Variants in NOS1 observed in about 807,000 individuals in gnomAD.
NOS1 encodes NOS type I.
In NOS1, 51 loss-of-function variants were observed where a neutral mutation model predicts 164.5. That is an observed-to-expected ratio of 0.31 (90% CI 0.25 to 0.39). The LOEUF (loss-of-function observed/expected upper bound fraction) is 0.39. NOS1 is among the 10% of genes least tolerant of loss of function. NOS1 has a pLI of 1.00. For synonymous variants in NOS1, 719 were observed against 745.8 expected (o/e 0.96, Z 0.59); for missense variants, 1,362 against 1,885.6 (o/e 0.72, Z 5.14).
chr12:117,341,722 G>C (rs1008713899), intron 1 of NOS1, among the ~76,000 whole-genome samples: 2 of 152,122 alleles, frequency 1.3e-5, no homozygotes, highest in Non-Finnish European at 2.9e-5. Flanking sequence ...GCATGAATTT[G>C]GAGCTAGAAA....
At chr12:117,236,058 A>C (rs543544259) in intron 20 of NOS1, among the ~76,000 whole-genome samples, 2 of 152,156 alleles carry the variant, frequency 1.3e-5, no homozygotes, top group Non-Finnish European at 2.9e-5. Context: ...CCCAACCCAA[A>C]AAACAAACAA....
chr12:117,240,449 T>C (rs1870073430), intron 20 of NOS1, among the ~76,000 whole-genome samples: 1 of 152,172 alleles, frequency 6.6e-6, no homozygotes, highest in African/African-American at 2.4e-5. Context: ...TATGATATGC[T>C]AGTTGTTTTA....
At position 117,243,479 on chromosome 12, in the gene NOS1, G is replaced by T; in HGVS notation, c.2824-44C>A. ...TTTCAGTGACCTCTTTCAGCCAAGC[G>T]GATCTCCTCTCCAACAGCTCCAAGT... On this transcript the variant is annotated intron_variant, in intron 18 of 28. Transcript: ENST00000317775. The surrounding 1 kb of genome is among the most constrained non-coding windows in gnomAD (Gnocchi z 4.3). 1.2e-6 allele frequency: 2 copies of T among 1,605,810 alleles called. No homozygotes were observed. Among genetic ancestry groups the T allele is most frequent in the Non-Finnish European group, 1.7e-6 (2 of 1,175,278 alleles).
At chr12:117,278,163 G>A (rs748186538) in intron 8 of NOS1, 65 bp from the exon 9 acceptor site, 9 of 1,508,728 alleles carry the variant, frequency 6.0e-6, no homozygotes, top group Non-Finnish European at 8.0e-6. Context: ...ACCCTTATGT[G>A]GGAAGCGGGG....
intron 3 of NOS1, among the ~76,000 whole-genome samples, chr12:117,293,279 G>A (rs1050549270): frequency 2.0e-5 from 3 of 152,158 alleles, no homozygotes; most frequent in African/African-American, 4.8e-5. Flanking sequence ...AATCTTCCAC[G>A]GCTCCTGGCC....
At chr12:117,342,666 G>A (rs906544276) in intron 1 of NOS1, among the ~76,000 whole-genome samples, 10 of 152,136 alleles carry the variant, frequency 6.6e-5, no homozygotes, top group Non-Finnish European at 1.2e-4. Context: ...TTCTTAGAGC[G>A]ATGGCAAGCA....
chr12:117,359,879 TATATATATA>T (rs1877043626), intron 1 of NOS1, among the ~76,000 whole-genome samples: 1 of 24,070 alleles, frequency 4.2e-5, no homozygotes, highest in African/African-American at 1.0e-4. Flanking sequence ...AATGGTTTTA[TATATATATA>T]TATATATATA....
intron 2 of NOS1, among the ~76,000 whole-genome samples, chr12:117,318,499 T>G (rs542231903): frequency 2.0e-5 from 3 of 152,222 alleles, no homozygotes; most frequent in Non-Finnish European, 2.9e-5. Flanking sequence ...CTTCACTAGC[T>G]GGATGATCAT....
chr12:117,327,429 T>G (rs11068451), intron 2 of NOS1, among the ~76,000 whole-genome samples: 16,004 of 152,244 alleles, frequency 0.11, 1,170 homozygotes, highest in Non-Finnish European at 0.15. Context: ...TGAGCTGGAC[T>G]ACTGGGAGAC....
intron 17 of NOS1, among the ~76,000 whole-genome samples, chr12:117,248,196 T>TA (rs549190565): frequency 2.1e-5 from 3 of 146,216 alleles, no homozygotes; most frequent in Admixed American, 6.9e-5. Flanking sequence ...TTTTTTTTTT[T>TA]AAATTTATTA....
chr12:117,256,284 G>GTTGTTTTTTTTTTTTTTTTTTTTTTTT (rs549611283), intron 16 of NOS1, among the ~76,000 whole-genome samples: 3 of 118,486 alleles, frequency 2.5e-5, no homozygotes, highest in African/African-American at 1.1e-4. Context: ...GGGATTTTCT[G>GTTGTTTTTTTTTTTTTTTTTTTTTTTT]TTTTTTTTTT....
chr12:117,336,829 C>G (rs1246588376), intron 1 of NOS1, among the ~76,000 whole-genome samples: 3 of 152,154 alleles, frequency 2.0e-5, no homozygotes, highest in East Asian at 3.9e-4. Context: ...CAGGGTCTCA[C>G]TCTGTCACCC....
At chr12:117,275,982 G>C (rs2136003225) in intron 9 of NOS1, among the ~76,000 whole-genome samples, 1 of 151,866 alleles carries the variant, frequency 6.6e-6, no homozygotes, top group Non-Finnish European at 1.5e-5. Flanking sequence ...GCAACTTCAT[G>C]ACTCCAAATT....
chr12:117,279,391 A>G (rs1360490175), intron 8 of NOS1, among the ~76,000 whole-genome samples: 1 of 151,958 alleles, frequency 6.6e-6, no homozygotes, highest in African/African-American at 2.4e-5. Flanking sequence ...AAAACCAAAA[A>G]AAACAAACCA....
At chr12:117,281,235 CT>C (rs1873624482) in intron 7 of NOS1, among the ~76,000 whole-genome samples, 1 of 152,152 alleles carries the variant, frequency 6.6e-6, no homozygotes, top group South Asian at 2.1e-4. Context: ...TAAGAATGCA[CT>C]AGACGCCGGG....
At position 117,210,591 on chromosome 12, in the gene NOS1, C is replaced by A. The variant is rs536388333; in HGVS notation, c.*4718G>T. The stretch of plus-strand genomic sequence containing the variant: ...AGGCTGCATTAGGCGCTGGTGCTGT[C>A]GGAGTGAAGGGGCTCAGGCATCTGG... On this transcript the variant is annotated 3_prime_UTR_variant, in exon 29 of 29. Coordinates refer to ENST00000317775, the MANE Select transcript of NOS1 (RefSeq NM_000620.5). The A allele has an allele frequency of 7.9e-5, 78 of 985,388 alleles. No individual in the cohort carries two copies. The highest frequency in any genetic ancestry group is 9.4e-5 in the Non-Finnish European group (78 of 830,008). The allele number at this position is 985,388 out of a possible 1,614,324, so 61.0% of individuals were successfully genotyped here. A position where few individuals can be genotyped will look rare whatever the true frequency, so the allele number is the denominator to read the frequency against.
At chr12:117,266,131 C>T (rs1459253248) in intron 11 of NOS1, among the ~76,000 whole-genome samples, 2 of 151,780 alleles carry the variant, frequency 1.3e-5, no homozygotes, top group African/African-American at 4.8e-5. Context: ...TTTTTATAGG[C>T]TTTTGGGGAA....
chr12:117,319,788 G>A (rs1874831291), intron 2 of NOS1, among the ~76,000 whole-genome samples: 1 of 152,230 alleles, frequency 6.6e-6, no homozygotes, highest in Admixed American at 6.5e-5. Flanking sequence ...TCTCTTTGGA[G>A]GAATGTTCCA....
chr12:117,281,699 TG>T (rs1290217368), intron 7 of NOS1, among the ~76,000 whole-genome samples: 1 of 150,752 alleles, frequency 6.6e-6, no homozygotes, highest in East Asian at 1.9e-4. Context: ...CTGGCTGTGG[TG>T]GGGGGTGCCT....
Sources: gnomAD v4.1 joint callset for allele counts (sites outside exome capture counted in the v4.1 genomes callset) on GRCh38, gnomAD v4.1.1 for gene constraint, Gnocchi (gnomAD v3.1) non-coding constraint, MANE v1.5 for transcripts, NCBI Gene and HGNC (gene_info 2026-07-23, HGNC 2026-07-21) for gene names.